PNLDC1: variants seen among roughly 807,000 people sequenced by gnomAD.
The protein encoded by PNLDC1 is PARN like ribonuclease domain containing exonuclease 1.
A neutral mutation model predicts 82.0 loss-of-function variants in PNLDC1; 70 were observed. The ratio of observed to expected loss-of-function variants is 0.85; its 90% CI spans 0.70 to 1.04. The LOEUF (loss-of-function observed/expected upper bound fraction) is 1.04, where lower values mean the gene tolerates loss of function less well. PNLDC1 is among the 50% of genes least tolerant of loss of function. PNLDC1 has a pLI of 0.00. For synonymous variants in PNLDC1, 280 were observed against 249.3 expected, an observed-to-expected ratio of 1.12 and a Z score of -1.16; for missense variants, 631 against 661.1, an observed-to-expected ratio of 0.95 and a Z score of 0.50.
intron 7 of PNLDC1, among the ~76,000 whole-genome samples, chr6:159,807,620 A>G (rs909432489): frequency 3.9e-5 from 6 of 152,242 alleles, no homozygotes; most frequent in Non-Finnish European, 8.8e-5. Flanking sequence ...GGAGACCTAC[A>G]TAACCCTGCC....
chr6:159,800,758 T>G lies in PNLDC1; in HGVS notation c.77-14T>G. On this transcript the variant is annotated splice_polypyrimidine_tract_variant and intron_variant, in intron 1 of 18. Transcript: ENST00000392167. Reference sequence around the variant, plus strand: ...TCTGCACCCGAGGACTGCTATTTTTTGCCTTCCTGGCAGGTCTGGACATAG... The same window carrying G: ...TCTGCACCCGAGGACTGCTATTTTTGGCCTTCCTGGCAGGTCTGGACATAG... 1 of 1,614,216 alleles carries G rather than the reference T, an allele frequency of 6.2e-7. No individual in the cohort carries two copies. The highest frequency in any genetic ancestry group is 8.5e-7 in the Non-Finnish European group (1 of 1,180,038).
intron 15 of PNLDC1, among the ~76,000 whole-genome samples, chr6:159,817,704 A>G (rs1781883813): frequency 6.6e-6 from 1 of 152,246 alleles, no homozygotes; most frequent in African/African-American, 2.4e-5. Context: ...CGTGCACGCT[A>G]CAGCACCGTC....
chr6:159,818,791 A>G, intron 16 of PNLDC1, 137 bp downstream of exon 16: 2 of 1,201,602 alleles, frequency 1.7e-6, no homozygotes, highest in Non-Finnish European at 2.3e-6. Context: ...CTTTCCTCTC[A>G]TGTTTCTCCA....
intron 10 of PNLDC1, among the ~76,000 whole-genome samples, chr6:159,810,710 A>G (rs747186914): frequency 6.6e-6 from 1 of 152,206 alleles, no homozygotes; most frequent in Non-Finnish European, 1.5e-5. Flanking sequence ...TAATTGTAAG[A>G]TTGGGATAAT....
intron 6 of PNLDC1, 47 bp downstream of exon 6, chr6:159,804,684 G>T: frequency 7.0e-7 from 1 of 1,428,482 alleles, no homozygotes; most frequent in Non-Finnish European, 9.8e-7. Context: ...TGTTGCTGTT[G>T]TCTGCATTTC....
chr6:159,815,935 A>ATTCT (rs1781798276), intron 12 of PNLDC1, 34 bp from the exon 13 acceptor site: 6 of 1,560,384 alleles, frequency 3.8e-6, no homozygotes, highest in Admixed American at 1.7e-5. Flanking sequence ...ACTTTCAGCA[A>ATTCT]ATTGTTTTTT....
intron 3 of PNLDC1, among the ~76,000 whole-genome samples, chr6:159,802,486 G>A (rs62437077): frequency 6.6e-6 from 1 of 151,882 alleles, no homozygotes; most frequent in African/African-American, 2.4e-5. Context: ...TTTCTGTTAT[G>A]GTTTTTTTTT....
chr6:159,808,798 G>A lies in PNLDC1; in HGVS notation c.621G>A (p.Thr207=), dbSNP rs1455381246. 8.7e-6 allele frequency: 14 copies of A among 1,613,932 alleles called. No homozygotes were observed. Among genetic ancestry groups the A allele is most frequent in the East Asian group, 4.5e-5 (2 of 44,898 alleles). ...GGCAGGCCCTCCCCAACATCTGGAC[G>A]GTGCTGAAAGATGAGGGGGTGAGTT... ...VLRQALPNIW[T]VLKDEGVVVK... The change falls in exon 8 of 19, where the codon ACG becomes ACA. Residue 207 remains threonine, a synonymous_variant. Coordinates refer to ENST00000392167, the MANE Select transcript of PNLDC1 (RefSeq NM_001271862.2).
chr6:159,819,235 A>G lies in PNLDC1; in HGVS notation c.1434-19A>G. On this transcript the variant is annotated intron_variant, in intron 17 of 18. Coordinates refer to ENST00000392167, the MANE Select transcript of PNLDC1 (RefSeq NM_001271862.2). The surrounding 1 kb of genome is among the most constrained non-coding windows in gnomAD (Gnocchi z 4.6). Reference sequence around the variant, plus strand: ...GCCATCCTGCTGCCTGGCTGACCACAGCAAACTTGTTTTGGCAGTGCGCGG... The same window carrying G: ...GCCATCCTGCTGCCTGGCTGACCACGGCAAACTTGTTTTGGCAGTGCGCGG... 1 of 1,613,528 alleles carries G rather than the reference A, an allele frequency of 6.2e-7. No homozygotes were observed. Among genetic ancestry groups the G allele is most frequent in the East Asian group, 2.2e-5 (1 of 44,874 alleles).
At chr6:159,817,251 A>C in intron 15 of PNLDC1, 100 bp downstream of exon 15, 1 of 1,102,258 alleles carries the variant, frequency 9.1e-7, no homozygotes, top group Non-Finnish European at 1.4e-6. Flanking sequence ...GGTTCTACCA[A>C]AGAAGGGAGA....
chr6:159,806,888 C>CTTTTTTTTTTTTTTTTTTT (rs34866272), intron 7 of PNLDC1, among the ~76,000 whole-genome samples: 1 of 107,758 alleles, frequency 9.3e-6, no homozygotes, highest in Non-Finnish European at 1.9e-5. Context: ...AATTAGCTGC[C>CTTTTTTTTTTTTTTTTTTT]TTTTTTTTTT....
chr6:159,801,513 C>G (rs375603698), intron 3 of PNLDC1, among the ~76,000 whole-genome samples: 5 of 152,024 alleles, frequency 3.3e-5, no homozygotes, highest in Admixed American at 2.6e-4. Context: ...GTAGCATAGT[C>G]TTAGCTCACT....
At chr6:159,806,428 C>T (rs1351318373) in intron 7 of PNLDC1, among the ~76,000 whole-genome samples, 1 of 152,170 alleles carries the variant, frequency 6.6e-6, no homozygotes, top group East Asian at 1.9e-4. Context: ...CCACAGTGAA[C>T]ACGCCATAGC....
At chr6:159,805,961 A>T in intron 6 of PNLDC1, 22 bp from the exon 7 acceptor site, 15 of 1,560,444 alleles carry the variant, frequency 9.6e-6, no homozygotes, top group Non-Finnish European at 1.2e-5. Flanking sequence ...TGACATGTTC[A>T]CTTTCATGCG....
intron 11 of PNLDC1, 61 bp from the exon 12 acceptor site, chr6:159,813,540 T>A: frequency 6.7e-7 from 1 of 1,484,096 alleles, no homozygotes; most frequent in Non-Finnish European, 9.4e-7. Flanking sequence ...TGGTACTGCC[T>A]GAAACAGAGA....
In PNLDC1 at chr6:159,800,302, A is replaced by G. The variant is rs758301664; in HGVS notation, c.-6A>G. ...GCGCTGGGCGACTCCGCGGAGCTGC[A>G]CGGCCATGGACGTGGGCGCCGACGA... On this transcript the variant is annotated 5_prime_UTR_variant, in exon 1 of 19. Coordinates refer to ENST00000392167, the MANE Select transcript of PNLDC1 (RefSeq NM_001271862.2). 2.8e-5 allele frequency: 44 copies of G among 1,545,840 alleles called. No individual in the cohort carries two copies. In the African/African-American group the frequency reaches 5.5e-4, roughly 19 times the overall value.
rs1194370875 is a variant in PNLDC1, at chr6:159,820,451, C to T, written c.1533-3C>T. ...GCCACTGACACGTGTCATTGTCTTG[C>T]AGAGTCTGTGGCATAGTGACTGCCT... On this transcript the variant is annotated splice_polypyrimidine_tract_variant and splice_region_variant and intron_variant, in intron 18 of 18. Transcript: ENST00000392167. The T allele has an allele frequency of 3.1e-6, 5 of 1,614,084 alleles. No homozygotes were observed. Among genetic ancestry groups the T allele is most frequent in the South Asian group, 1.1e-5 (1 of 91,080 alleles).
intron 7 of PNLDC1, among the ~76,000 whole-genome samples, chr6:159,807,518 C>CT (rs1168878448): frequency 3.3e-5 from 5 of 152,234 alleles, no homozygotes; most frequent in Non-Finnish European, 7.3e-5. Context: ...AGCTTGACAG[C>CT]TTCCCAGTAC....
At chr6:159,809,387 T>G (rs989301325) in intron 9 of PNLDC1, among the ~76,000 whole-genome samples, 5 of 151,492 alleles carry the variant, frequency 3.3e-5, no homozygotes, top group African/African-American at 1.2e-4. Flanking sequence ...CAGGCTTAAG[T>G]GAAACTCATA....
Sources: allele counts gnomAD v4.1 joint callset (sites outside exome capture counted in the v4.1 genomes callset), GRCh38; gene constraint gnomAD v4.1.1; non-coding constraint Gnocchi (gnomAD v3.1); transcripts MANE v1.5; gene names NCBI Gene and HGNC (gene_info 2026-07-23, HGNC 2026-07-21).